The following RB1CC1 variants were observed in gnomAD, a reference collection of about 807,000 sequenced individuals.
RB1CC1 encodes the protein RB1 inducible coiled-coil 1.
Under a neutral mutation model 177.5 loss-of-function variants are expected in RB1CC1, and 46 were observed. The observed-to-expected ratio is 0.26, with a 90% CI of 0.20 to 0.33. The LOEUF (loss-of-function observed/expected upper bound fraction) is 0.33. Ranked by LOEUF, RB1CC1 falls within the 10% of genes least tolerant of loss-of-function variation. RB1CC1 has a pLI of 1.00. For missense variants in RB1CC1, 1,703 were observed against 1,816.3 expected (o/e 0.94, Z 1.13); for synonymous variants, 666 against 613.6 (o/e 1.09, Z -1.26).
intron 18 of RB1CC1, among the ~76,000 whole-genome samples, chr8:52,641,800 C>G (rs187036087): frequency 4.6e-5 from 7 of 152,084 alleles, no homozygotes; most frequent in Non-Finnish European, 8.8e-5. Flanking sequence ...GGAGCACTTT[C>G]TCCTCCCAAT....
At chr8:52,631,109 A>T (rs957298915) in intron 20 of RB1CC1, among the ~76,000 whole-genome samples, 1 of 152,148 alleles carries the variant, frequency 6.6e-6, no homozygotes. Context: ...TTTTCCAAAT[A>T]GGGTAAATGT....
At chr8:52,624,920 C>A (rs779691957) in intron 22 of RB1CC1, 133 bp from the exon 23 acceptor site, 1 of 603,354 alleles carries the variant, frequency 1.7e-6, no homozygotes, top group Non-Finnish European at 2.7e-6. Context: ...TAAAAACTAC[C>A]GAAATCACTG....
intron 5 of RB1CC1, among the ~76,000 whole-genome samples, 156 bp from the exon 6 acceptor site, chr8:52,676,727 T>C (rs1471550754): frequency 1.3e-5 from 2 of 152,196 alleles, no homozygotes; most frequent in African/African-American, 2.4e-5. Flanking sequence ...TGTTCTCTTC[T>C]GTAAAAGACA....
chr8:52,651,941 A>G (rs1376064227), intron 15 of RB1CC1, among the ~76,000 whole-genome samples: 4 of 152,240 alleles, frequency 2.6e-5, no homozygotes, highest in African/African-American at 9.6e-5. Context: ...ATATTCCACA[A>G]TAAAAACTAA....
rs747842628 is a variant in RB1CC1, at chr8:52,684,029, T to C, written c.72-16A>G. On this transcript the variant is annotated splice_polypyrimidine_tract_variant and intron_variant, in intron 3 of 23. Transcript: ENST00000025008. ...GTCTGCCACACTTCAAAAAATGAAA[T>C]AAAATAAATCAGTTGTTTATATTTG... The C allele has an allele frequency of 6.2e-7, 1 of 1,607,594 alleles. No homozygotes were observed. The highest frequency in any genetic ancestry group is 1.7e-5 in the Admixed American group (1 of 59,130).
chr8:52,698,516 T>C (rs540288053), intron 1 of RB1CC1, among the ~76,000 whole-genome samples: 7 of 151,704 alleles, frequency 4.6e-5, no homozygotes, highest in African/African-American at 1.7e-4. Flanking sequence ...GGTTTCACTG[T>C]GTTAGCCAGG....
chr8:52,638,917 T>TTAA (rs1347187608), intron 18 of RB1CC1, among the ~76,000 whole-genome samples: 1 of 152,148 alleles, frequency 6.6e-6, no homozygotes, highest in African/African-American at 2.4e-5. Context: ...ACTAACTCTA[T>TTAA]TAATCTATTT....
At chr8:52,660,561 T>A (rs747367646) in intron 12 of RB1CC1, 35 bp downstream of exon 12, 4 of 1,526,694 alleles carry the variant, frequency 2.6e-6, no homozygotes, top group Non-Finnish European at 3.6e-6. Flanking sequence ...TTAAAACATA[T>A]GGAATTTAGT....
At chr8:52,631,843 A>G (rs1590915598) in intron 20 of RB1CC1, among the ~76,000 whole-genome samples, 1 of 152,158 alleles carries the variant, frequency 6.6e-6, no homozygotes, top group South Asian at 2.1e-4. Flanking sequence ...AATTCTTCTT[A>G]CCAAACCAGA....
At chr8:52,625,820 G>A (rs1426049420) in intron 22 of RB1CC1, among the ~76,000 whole-genome samples, 2 of 152,156 alleles carry the variant, frequency 1.3e-5, no homozygotes, top group African/African-American at 4.8e-5. Context: ...CCATGGTAAA[G>A]TCAAAAAGTT....
At chr8:52,711,523 T>C (rs1857061020) in intron 1 of RB1CC1, among the ~76,000 whole-genome samples, 1 of 152,228 alleles carries the variant, frequency 6.6e-6, no homozygotes, top group Non-Finnish European at 1.5e-5. Flanking sequence ...TGGTTACCCA[T>C]TTCCTATAAA....
intron 15 of RB1CC1, among the ~76,000 whole-genome samples, chr8:52,654,081 G>A (rs768925955): frequency 2.0e-5 from 3 of 152,206 alleles, no homozygotes; most frequent in Non-Finnish European, 1.5e-5. Context: ...CTGTCCAGAA[G>A]ACATGGAGAC....
At chr8:52,696,648 T>C (rs1393006055) in intron 1 of RB1CC1, among the ~76,000 whole-genome samples, 2 of 152,126 alleles carry the variant, frequency 1.3e-5, no homozygotes, top group Non-Finnish European at 2.9e-5. Context: ...TGAGCTAAGA[T>C]AGAACCCATG....
chr8:52,654,719 C>T (rs994266001), intron 15 of RB1CC1, among the ~76,000 whole-genome samples: 4 of 152,158 alleles, frequency 2.6e-5, no homozygotes, highest in East Asian at 1.9e-4. Flanking sequence ...AAGTGTCTTG[C>T]TAACTCAGTT....
chr8:52,673,964 C>A lies in RB1CC1; in HGVS notation c.883G>T (p.Asp295Tyr). ...TVHQQDETTI[D>Y]TKDGDLPFFN... ...AAGGGCAGATCACCATCTTTAGTGT[C>A]AATCGTAGTTTCATCTTGCTGATGA... The change falls in exon 7 of 24, where the codon GAC becomes TAC. Residue 295 changes from aspartate (D) to tyrosine (Y), a missense_variant. Asp to Tyr is a radical substitution (Grantham distance 160, BLOSUM62 -3). Around this residue, in one of 6 missense-constraint regions of RB1CC1, gnomAD observed 315 missense variants for 304.9 expected, o/e 1.03. Transcript: ENST00000025008. 6.2e-7 allele frequency: 1 copy of A among 1,614,122 alleles called. No individual in the cohort carries two copies. Among genetic ancestry groups the A allele is most frequent in the South Asian group, 1.1e-5 (1 of 91,040 alleles).
chr8:52,694,461 C>A (rs1294912678), intron 1 of RB1CC1, among the ~76,000 whole-genome samples: 5 of 152,210 alleles, frequency 3.3e-5, no homozygotes, highest in Admixed American at 2.0e-4. Flanking sequence ...TCATCCCGGA[C>A]AAACGGGACG....
Position 52,673,841 on chromosome 8 carries a change from T to C in RB1CC1, c.1002+4A>G, listed in dbSNP as rs762708546. ...AAAACAAACATCAAATTAACGTTAC[T>C]TACCCTGCTCATAGAATCAAAGCAC... is the stretch of plus-strand genomic sequence containing the variant. On this transcript the variant is annotated splice_donor_region_variant and intron_variant, in intron 7 of 23. Coordinates refer to ENST00000025008, the MANE Select transcript of RB1CC1 (RefSeq NM_014781.5). The C allele has an allele frequency of 4.4e-6, 7 of 1,601,118 alleles. No homozygotes were observed. Among genetic ancestry groups the C allele is most frequent in the Non-Finnish European group, 6.0e-6 (7 of 1,172,136 alleles).
chr8:52,690,609 G>T (rs1430021416), intron 1 of RB1CC1, among the ~76,000 whole-genome samples: 1 of 152,192 alleles, frequency 6.6e-6, no homozygotes, highest in Non-Finnish European at 1.5e-5. Flanking sequence ...ATGTAAAGCA[G>T]TACAAGGAGA....
chr8:52,713,856 T>G (rs1857270854), intron 1 of RB1CC1, among the ~76,000 whole-genome samples: 1 of 152,132 alleles, frequency 6.6e-6, no homozygotes, highest in African/African-American at 2.4e-5. Context: ...TCGAACCGCT[T>G]TTGTCTCCAC....
Sources: gnomAD v4.1 joint callset for allele counts (sites outside exome capture counted in the v4.1 genomes callset) on GRCh38, gnomAD v4.1.1 for gene constraint, gnomAD v4.1.1 regional missense constraint, MANE v1.5 for transcripts, NCBI Gene and HGNC (gene_info 2026-07-23, HGNC 2026-07-21) for gene names.